The following SYTL3 variants were observed in gnomAD, a reference collection of about 807,000 sequenced individuals.
SYTL3 encodes synaptotagmin-like protein 3.
A neutral mutation model predicts 82.1 loss-of-function variants in SYTL3; 88 were observed. The observed-to-expected ratio is 1.07, with a 90% confidence interval of 0.90 to 1.28. The LOEUF (loss-of-function observed/expected upper bound fraction) is 1.28. SYTL3 is among the 50% of genes most tolerant of loss of function. SYTL3 has a pLI of 0.00. For synonymous variants in SYTL3, 311 were observed against 289.4 expected, an observed-to-expected ratio of 1.07 and a Z score of -0.76; for missense variants, 831 against 757.6, an observed-to-expected ratio of 1.10 and a Z score of -1.14.
chr6:158,732,866 C>T (rs1481552249), intron 11 of SYTL3, among the ~76,000 whole-genome samples: 1 of 151,918 alleles, frequency 6.6e-6, no homozygotes. Context: ...ATCCCTTTTA[C>T]CCTGGCATTT....
At chr6:158,762,228 C>T (rs1583526111) in intron 16 of SYTL3, 50 bp downstream of exon 16, 4 of 1,327,566 alleles carry the variant, frequency 3.0e-6, no homozygotes, top group East Asian at 4.7e-5. Flanking sequence ...GTATACATCA[C>T]AACATGGCCC....
intron 13 of SYTL3, among the ~76,000 whole-genome samples, chr6:158,755,265 C>G (rs576989273): frequency 6.6e-6 from 1 of 152,266 alleles, no homozygotes; most frequent in South Asian, 2.1e-4. Context: ...ATCGCTTGAG[C>G]CTGGGAGGTG....
chr6:158,754,063 G>C (rs1788762196), intron 13 of SYTL3, among the ~76,000 whole-genome samples: 1 of 152,118 alleles, frequency 6.6e-6, no homozygotes, highest in Non-Finnish European at 1.5e-5. Flanking sequence ...ACACCTTTGT[G>C]CAGCACCCAG....
upstream of SYTL3, among the ~76,000 whole-genome samples, chr6:158,649,053 G>A (rs924051617): frequency 6.6e-6 from 1 of 152,170 alleles, no homozygotes; most frequent in Admixed American, 6.5e-5. Flanking sequence ...CCTTCCCTGG[G>A]ACCTCATCCC....
chr6:158,701,479 T>G (rs529936834), intron 6 of SYTL3, among the ~76,000 whole-genome samples: 1 of 38,112 alleles, frequency 2.6e-5, no homozygotes, highest in Non-Finnish European at 5.5e-5. Context: ...AAGGACTGTC[T>G]GGGGGGAGGA....
At chr6:158,664,675 A>G (rs1203389082) in intron 4 of SYTL3, among the ~76,000 whole-genome samples, 2 of 152,252 alleles carry the variant, frequency 1.3e-5, no homozygotes, top group Non-Finnish European at 2.9e-5. Context: ...AGACATAGTG[A>G]TAACAAAGTT....
intron 6 of SYTL3, among the ~76,000 whole-genome samples, chr6:158,700,863 T>A (rs543132544): frequency 6.6e-5 from 10 of 151,766 alleles, no homozygotes; most frequent in East Asian, 2.0e-4. Context: ...TGATCTGCCC[T>A]CCTTGGCCTC....
At chr6:158,659,234 T>G (rs1226488774) in intron 2 of SYTL3, among the ~76,000 whole-genome samples, 4 of 152,212 alleles carry the variant, frequency 2.6e-5, no homozygotes, top group Admixed American at 6.5e-5. Context: ...TGAATTACAA[T>G]GTAGTGTTAT....
intron 10 of SYTL3, among the ~76,000 whole-genome samples, chr6:158,719,919 G>A (rs1783875519): frequency 6.6e-6 from 1 of 151,968 alleles, no homozygotes; most frequent in African/African-American, 2.4e-5. Flanking sequence ...AGAAAACCCT[G>A]TCTCTACAAA....
chr6:158,755,413 G>T (rs1788937171), intron 13 of SYTL3, among the ~76,000 whole-genome samples: 1 of 152,180 alleles, frequency 6.6e-6, no homozygotes. Flanking sequence ...AGGAGAAAAG[G>T]GAATGTGACC....
At chr6:158,728,859 T>TA (rs1785058374) in intron 11 of SYTL3, among the ~76,000 whole-genome samples, 1 of 151,558 alleles carries the variant, frequency 6.6e-6, no homozygotes, top group South Asian at 2.1e-4. Context: ...TCGTCTCTAT[T>TA]AAAAAAATAT....
chr6:158,742,256 A>C (rs1189993391), intron 11 of SYTL3, among the ~76,000 whole-genome samples: 1 of 152,258 alleles, frequency 6.6e-6, no homozygotes, highest in African/African-American at 2.4e-5. Context: ...GTATTCCAAT[A>C]TCAAATAGCA....
chr6:158,744,532 G>T (rs1787374600), intron 11 of SYTL3, among the ~76,000 whole-genome samples: 1 of 151,690 alleles, frequency 6.6e-6, no homozygotes, highest in South Asian at 2.1e-4. Context: ...TGTTAGCCAG[G>T]ATGGTCTCGA....
At chr6:158,759,735 T>C (rs1479505846) in intron 14 of SYTL3, among the ~76,000 whole-genome samples, 2 of 152,130 alleles carry the variant, frequency 1.3e-5, no homozygotes, top group Non-Finnish European at 2.9e-5. Flanking sequence ...GGTTTCACCA[T>C]GTTGGCCAGG....
rs916767481 is a variant in SYTL3 at position 158,702,359 on chromosome 6, T to A, written c.395-4871T>A. Among the ~76,000 whole-genome samples the A allele has an allele frequency of 6.2e-3, 927 of 149,280 alleles. 9 individuals are homozygous for A. Among genetic ancestry groups the A allele is most frequent in the African/African-American group, 0.021 (841 of 39,720 alleles). On this transcript the variant is annotated intron_variant, in intron 6 of 17. Coordinates refer to ENST00000611299, the MANE Select transcript of SYTL3 (RefSeq NM_001242394.2). The stretch of plus-strand genomic sequence containing the variant: ...AAAAAAAAAAAAATTTTTTTTTTTT[T>A]ATAGGACATAGTCTCACTAAGTTAC...
chr6:158,696,170 A>AT (rs1491364502), intron 6 of SYTL3, among the ~76,000 whole-genome samples: 1 of 151,770 alleles, frequency 6.6e-6, no homozygotes, highest in Non-Finnish European at 1.5e-5. Flanking sequence ...AAGGGTTCCA[A>AT]TTTTTTCACA....
intron 6 of SYTL3, among the ~76,000 whole-genome samples, chr6:158,693,791 C>T (rs1036319919): frequency 1.3e-5 from 2 of 149,994 alleles, no homozygotes; most frequent in Admixed American, 6.6e-5. Flanking sequence ...GATCCACCTG[C>T]GCCGGCCTCC....
At chr6:158,723,431 G>A (rs1286292576) in intron 10 of SYTL3, among the ~76,000 whole-genome samples, 2 of 152,036 alleles carry the variant, frequency 1.3e-5, no homozygotes, top group African/African-American at 2.4e-5. Context: ...CTCCACTGAC[G>A]TTGACTCCAT....
At chr6:158,708,885 G>T (rs1782431641) in intron 8 of SYTL3, among the ~76,000 whole-genome samples, 1 of 152,182 alleles carries the variant, frequency 6.6e-6, no homozygotes, top group Non-Finnish European at 1.5e-5. Context: ...AATTATACAG[G>T]TGCTGCTTGA....
Sources: gnomAD v4.1 joint callset for allele counts (sites outside exome capture counted in the v4.1 genomes callset) on GRCh38, gnomAD v4.1.1 for gene constraint, MANE v1.5 for transcripts, NCBI Gene and HGNC (gene_info 2026-07-23, HGNC 2026-07-21) for gene names.